Variants in NXN observed in about 807,000 individuals in gnomAD.
NXN encodes nucleoredoxin 1.
In NXN, 16 loss-of-function variants were observed where a neutral mutation model predicts 48.6. That is an observed-to-expected ratio of 0.33 (90% CI 0.22 to 0.50). The LOEUF is 0.50. Among genes scored for constraint, NXN ranks in the 20% least tolerant of loss-of-function variants. NXN has a pLI of 0.98. For missense variants in NXN, 492 were observed against 605.5 expected (o/e 0.81, Z 1.97); for synonymous variants, 281 against 269.6 (o/e 1.04, Z -0.41).
intron 1 of NXN, among the ~76,000 whole-genome samples, chr17:918,160 C>T (rs1455968024): frequency 6.6e-6 from 1 of 152,172 alleles, no homozygotes; most frequent in African/African-American, 2.4e-5. Context: ...TATCACCTCC[C>T]CCAAAACAAC....
intron 5 of NXN, among the ~76,000 whole-genome samples, chr17:812,127 C>G (rs958364343): frequency 1.3e-5 from 2 of 150,426 alleles, no homozygotes; most frequent in Non-Finnish European, 3.0e-5. Context: ...CGGGGTTTCA[C>G]CGTGTTAGCC....
In NXN at chr17:948,537, C is replaced by T. The variant is rs954138998; in HGVS notation, c.360+30782G>A. On this transcript the variant is annotated intron_variant, in intron 1 of 7. Transcript: ENST00000336868. ...GACGGCTGTGGAACTGTACAGGGCCCGGCCCTGCGCTGGGGACCTAGCGGT... is the reference window on the plus strand; with the variant it reads ...GACGGCTGTGGAACTGTACAGGGCCTGGCCCTGCGCTGGGGACCTAGCGGT... Among the ~76,000 whole-genome samples, 16 of 152,108 alleles carry T rather than the reference C, an allele frequency of 1.1e-4. No homozygotes were observed. In the East Asian group the frequency reaches 1.5e-3, roughly 15 times the overall value.
At chr17:968,433 C>A (rs1274252353) in intron 1 of NXN, among the ~76,000 whole-genome samples, 1 of 152,142 alleles carries the variant, frequency 6.6e-6, no homozygotes. Flanking sequence ...TGCAGCCCGG[C>A]GTGGTGGTGC....
intron 1 of NXN, among the ~76,000 whole-genome samples, chr17:916,185 C>G (rs992485074): frequency 1.6e-4 from 24 of 152,126 alleles, no homozygotes; most frequent in African/African-American, 5.8e-4. Context: ...AATCCTGGCA[C>G]GTCGGCAACA....
intron 1 of NXN, among the ~76,000 whole-genome samples, chr17:972,900 G>C (rs371674807): frequency 3.3e-5 from 5 of 151,526 alleles, no homozygotes; most frequent in Non-Finnish European, 5.9e-5. Flanking sequence ...GGGTGGTGAC[G>C]GGCCCCTGTA....
chr17:919,581 G>A lies in NXN; in HGVS notation c.360+59738C>T, dbSNP rs1360265606. 6.6e-6 allele frequency among the ~76,000 whole-genome samples: 1 copy of A among 152,054 alleles called. No individual in the cohort carries two copies. The highest frequency in any genetic ancestry group is 2.1e-4 in the South Asian group (1 of 4,820). Reference sequence around the variant, plus strand: ...TTCTACAGCACCTCCTCGTATCGTGGGTTACAGAACCTACGTCGTCCTCGG... The same window carrying A: ...TTCTACAGCACCTCCTCGTATCGTGAGTTACAGAACCTACGTCGTCCTCGG... On this transcript the variant is annotated intron_variant, in intron 1 of 7. Coordinates refer to ENST00000336868, the MANE Select transcript of NXN (RefSeq NM_022463.5). This position sits in a 1 kb window ranked among gnomAD's most constrained non-coding sequence, Gnocchi z 5.1.
intron 1 of NXN, among the ~76,000 whole-genome samples, chr17:924,573 C>G (rs1244582488): frequency 1.3e-5 from 2 of 152,204 alleles, no homozygotes; most frequent in Non-Finnish European, 2.9e-5. Context: ...ACATACATAA[C>G]AGAAAATGTC....
chr17:886,094 A>G (rs932252447), intron 1 of NXN, among the ~76,000 whole-genome samples: 3 of 152,180 alleles, frequency 2.0e-5, no homozygotes, highest in South Asian at 2.1e-4. Context: ...GGCTGGGGCC[A>G]GGTGGAGCCC....
intron 1 of NXN, among the ~76,000 whole-genome samples, chr17:891,268 T>C (rs1298614802): frequency 6.6e-6 from 1 of 152,138 alleles, no homozygotes; most frequent in African/African-American, 2.4e-5. Context: ...GGTCTCATCA[T>C]ATTGCTGAGG....
intron 1 of NXN, among the ~76,000 whole-genome samples, chr17:880,672 G>A (rs560710664): frequency 2.0e-5 from 3 of 152,142 alleles, no homozygotes; most frequent in Admixed American, 6.6e-5. Context: ...GTTCGCCTGA[G>A]CTAATGCATC....
intron 1 of NXN, among the ~76,000 whole-genome samples, chr17:900,922 T>C (rs1470358576): frequency 6.8e-6 from 1 of 147,600 alleles, no homozygotes; most frequent in Non-Finnish European, 1.5e-5. Context: ...TCTTTTTTTT[T>C]TTTTTTTTTT....
chr17:821,923 T>C (rs1334422814), intron 4 of NXN, among the ~76,000 whole-genome samples: 2 of 151,508 alleles, frequency 1.3e-5, no homozygotes, highest in South Asian at 2.1e-4. Context: ...CAGGCCTGAA[T>C]TGGGACATCC....
At chr17:835,089 A>T (rs1271244057) in intron 1 of NXN, among the ~76,000 whole-genome samples, 2 of 151,506 alleles carry the variant, frequency 1.3e-5, no homozygotes, top group Non-Finnish European at 2.9e-5. Context: ...CGGGCGGATC[A>T]CAAGGTCAGG....
rs895109548 is a variant in NXN, at chr17:932,203, A to G, written c.360+47116T>C. ...TTAATTATTTGGAATCCTGGAAAAA[A>G]AAGCTAAGGCAAAGCTGATCTGAAG... On this transcript the variant is annotated intron_variant, in intron 1 of 7. Transcript: ENST00000336868. The surrounding 1 kb of genome is among the most constrained non-coding windows in gnomAD (Gnocchi z 4.1). Among the ~76,000 whole-genome samples the G allele has an allele frequency of 2.0e-5, 3 of 152,232 alleles. No individual in the cohort carries two copies. The highest frequency in any genetic ancestry group is 7.2e-5 in the African/African-American group (3 of 41,456).
intron 1 of NXN, among the ~76,000 whole-genome samples, chr17:959,624 C>T (rs1373118888): frequency 6.6e-6 from 1 of 151,376 alleles, no homozygotes; most frequent in Non-Finnish European, 1.5e-5. Flanking sequence ...TGGTGAACCC[C>T]TTTCTACTAA....
In NXN at chr17:801,066, G is replaced by A; in HGVS notation, c.1191C>T (p.Ile397=). The change falls in exon 8 of 8, where the codon ATC becomes ATT. Residue 397 remains isoleucine (I), a synonymous_variant. Coordinates refer to ENST00000336868, the MANE Select transcript of NXN (RefSeq NM_022463.5). Reference sequence around the variant, plus strand: ...ACTTGGCCCGGGCTGACATGTCCAGGATGGTGAGCAAAGGGGCAGCCTCAG... The same window carrying A: ...ACTTGGCCCGGGCTGACATGTCCAGAATGGTGAGCAAAGGGGCAGCCTCAG... ...NLPEAAPLLT[I]LDMSARAKYV... 6.3e-7 allele frequency: 1 copy of A among 1,581,744 alleles called. No homozygotes were observed. The highest frequency in any genetic ancestry group is 2.4e-5 in the East Asian group (1 of 42,156).
chr17:878,111 T>A (rs895750047), intron 1 of NXN: 4 of 152,098 alleles, frequency 2.6e-5, no homozygotes, highest in African/African-American at 7.3e-5. Flanking sequence ...GTAACAGAGA[T>A]CTGCACAGCG....
intron 1 of NXN, among the ~76,000 whole-genome samples, chr17:927,753 C>T (rs998008199): frequency 6.6e-6 from 1 of 152,048 alleles, no homozygotes; most frequent in Non-Finnish European, 1.5e-5. Context: ...ACAGCACTGG[C>T]TCTCAGAGGC....
intron 1 of NXN, among the ~76,000 whole-genome samples, chr17:935,185 G>T (rs1018800050): frequency 1.3e-5 from 2 of 151,880 alleles, no homozygotes; most frequent in African/African-American, 4.8e-5. Flanking sequence ...CTAGAGACAG[G>T]GTTTTACCAT....
Sources: gnomAD v4.1 joint callset for allele counts (sites outside exome capture counted in the v4.1 genomes callset) on GRCh38, gnomAD v4.1.1 for gene constraint, Gnocchi (gnomAD v3.1) non-coding constraint, MANE v1.5 for transcripts, NCBI Gene and HGNC (gene_info 2026-07-23, HGNC 2026-07-21) for gene names.